NARS2: variants seen among roughly 807,000 people sequenced by gnomAD.
NARS2 encodes the protein asparaginyl-tRNA synthetase.
NARS2 carries 60 observed loss-of-function variants against 62.9 expected under a neutral mutation model. That is an observed-to-expected ratio of 0.95 (90% CI 0.77 to 1.18). The LOEUF is 1.18. Ranked by LOEUF, NARS2 falls within the 50% of genes most tolerant of loss-of-function variation. The probability of loss-of-function intolerance (pLI) is 0.00; values close to 1 mark genes in which losing one functional copy is unlikely to be tolerated. For synonymous variants in NARS2, 196 were observed against 200.0 expected (o/e 0.98, Z 0.17); for missense variants, 619 against 576.4 (o/e 1.07, Z -0.76).
At chr11:78,452,958 G>A (rs977389092) in intron 11 of NARS2, among the ~76,000 whole-genome samples, 1 of 152,210 alleles carries the variant, frequency 6.6e-6, no homozygotes, top group Non-Finnish European at 1.5e-5. Flanking sequence ...GTTACCGGGA[G>A]TAATGAGTTA....
intron 3 of NARS2, 109 bp downstream of exon 3, chr11:78,568,523 C>A: frequency 7.5e-7 from 1 of 1,329,370 alleles, no homozygotes; most frequent in Non-Finnish European, 1.0e-6. Flanking sequence ...AATTATCTGT[C>A]ACAAATGAAA....
At chr11:78,494,167 A>G (rs1859953635) in intron 6 of NARS2, among the ~76,000 whole-genome samples, 1 of 152,214 alleles carries the variant, frequency 6.6e-6, no homozygotes, top group African/African-American at 2.4e-5. Context: ...CCTTATTCTT[A>G]AACTCCTATA....
At chr11:78,478,531 TA>T (rs1859207890) in intron 8 of NARS2, 53 bp downstream of exon 8, 1 of 1,303,416 alleles carries the variant, frequency 7.7e-7, no homozygotes, top group Non-Finnish European at 1.1e-6. Context: ...TCATTATGTA[TA>T]ATTAACACAT....
intron 9 of NARS2, among the ~76,000 whole-genome samples, chr11:78,472,076 C>T (rs12274937): frequency 0.019 from 2,893 of 152,266 alleles, 84 homozygotes; most frequent in African/African-American, 0.059. Flanking sequence ...ACTCTCATGT[C>T]TAAATATCTC....
chr11:78,486,348 G>A (rs1007448337), intron 7 of NARS2, among the ~76,000 whole-genome samples: 2 of 151,970 alleles, frequency 1.3e-5, no homozygotes, highest in African/African-American at 4.8e-5. Flanking sequence ...AACAGGAGAA[G>A]GTGACCCTCT....
At position 78,455,696 on chromosome 11, in the gene NARS2, A is replaced by G. The variant is rs1270379067; in HGVS notation, c.1164+10180T>C. Among the ~76,000 whole-genome samples, 18 of 152,120 alleles carry G rather than the reference A, an allele frequency of 1.2e-4. 1 individual carries two copies. The highest frequency in any genetic ancestry group is 2.9e-5 in the Non-Finnish European group (2 of 67,992). ...TCCATAGCTCTTCCTGCCACCCCACACAAACTCTTCACTCCCAGAAAGATC... is the reference window on the plus strand; with the variant it reads ...TCCATAGCTCTTCCTGCCACCCCACGCAAACTCTTCACTCCCAGAAAGATC... On this transcript the variant is annotated intron_variant, in intron 11 of 13. Coordinates refer to ENST00000281038, the MANE Select transcript of NARS2 (RefSeq NM_024678.6).
chr11:78,461,168 CTCAGAGAAGAAGTCTGG>C (rs1288569363), intron 11 of NARS2, among the ~76,000 whole-genome samples: 1 of 152,046 alleles, frequency 6.6e-6, no homozygotes, highest in Non-Finnish European at 1.5e-5. Flanking sequence ...GAGTCTAGAG[CTCAGAGAAGAAGTCTGG>C]ATTAGAGATA....
intron 6 of NARS2, among the ~76,000 whole-genome samples, chr11:78,508,785 A>G (rs1254926890): frequency 6.6e-6 from 1 of 152,096 alleles, no homozygotes; most frequent in Non-Finnish European, 1.5e-5. Context: ...AGAATCATGA[A>G]AGTAGGAAGA....
At chr11:78,468,163 A>AT (rs1270942008) in intron 10 of NARS2, among the ~76,000 whole-genome samples, 4 of 151,956 alleles carry the variant, frequency 2.6e-5, no homozygotes, top group Admixed American at 2.6e-4. Context: ...CTCAGGCATC[A>AT]TAACGAGACC....
chr11:78,484,047 G>A (rs1344626961), intron 7 of NARS2, among the ~76,000 whole-genome samples: 10 of 152,062 alleles, frequency 6.6e-5, no homozygotes, highest in African/African-American at 1.9e-4. Context: ...CAGATATGTG[G>A]ACCCATGGAA....
At chr11:78,530,035 G>A (rs1056675752) in intron 5 of NARS2, among the ~76,000 whole-genome samples, 10 of 151,916 alleles carry the variant, frequency 6.6e-5, no homozygotes, top group South Asian at 2.1e-4. Context: ...ATCATGTATC[G>A]GTATCTGTGG....
intron 11 of NARS2, among the ~76,000 whole-genome samples, chr11:78,464,775 A>G (rs1397157534): frequency 6.6e-6 from 1 of 152,210 alleles, no homozygotes; most frequent in Non-Finnish European, 1.5e-5. Context: ...CCTGAGCTAG[A>G]CAGAGGGTGC....
At chr11:78,566,506 A>T (rs546657190) in intron 3 of NARS2, among the ~76,000 whole-genome samples, 176 of 152,238 alleles carry the variant, frequency 1.2e-3, no homozygotes, top group Non-Finnish European at 1.8e-3. Context: ...TAGCCAAGTA[A>T]CTGAGCTAAT....
chr11:78,441,604 G>A (rs1307557643), intron 12 of NARS2, among the ~76,000 whole-genome samples: 1 of 151,920 alleles, frequency 6.6e-6, no homozygotes, highest in Non-Finnish European at 1.5e-5. Context: ...CCAGCTACTC[G>A]GGAAGCTGAG....
At chr11:78,505,047 T>C (rs992989915) in intron 6 of NARS2, among the ~76,000 whole-genome samples, 4 of 151,414 alleles carry the variant, frequency 2.6e-5, no homozygotes, top group African/African-American at 9.8e-5. Flanking sequence ...GGTAAATTTT[T>C]ACAATTTTGA....
chr11:78,500,132 T>G (rs1328694252), intron 6 of NARS2, among the ~76,000 whole-genome samples: 1 of 152,206 alleles, frequency 6.6e-6, no homozygotes, highest in Non-Finnish European at 1.5e-5. Context: ...CATTATAGCA[T>G]TGAACTATCA....
intron 4 of NARS2, among the ~76,000 whole-genome samples, chr11:78,563,728 G>A (rs1433487893): frequency 4.8e-5 from 7 of 145,136 alleles, no homozygotes; most frequent in Non-Finnish European, 1.5e-5. Context: ...CTACCTGGGA[G>A]GTTGTGGGAG....
chr11:78,478,374 TATA>T, intron 9 of NARS2, 61 bp downstream of exon 9: 1 of 704,388 alleles, frequency 1.4e-6, no homozygotes, highest in Non-Finnish European at 2.1e-6. Context: ...TTTAAAAAAT[TATA>T]ATATAGTGTG....
intron 5 of NARS2, chr11:78,555,202 G>C (rs898556556): frequency 2.0e-5 from 3 of 151,938 alleles, no homozygotes; most frequent in African/African-American, 7.3e-5. Context: ...TTTTTTTGTT[G>C]TGTCTCTCCC....
Sources: gnomAD v4.1 joint callset for allele counts (sites outside exome capture counted in the v4.1 genomes callset) on GRCh38, gnomAD v4.1.1 for gene constraint, MANE v1.5 for transcripts, NCBI Gene and HGNC (gene_info 2026-07-23, HGNC 2026-07-21) for gene names.